The following HDAC4 variants were observed in gnomAD, a reference collection of about 807,000 sequenced individuals.
HDAC4 encodes histone deacetylase 4.
A neutral mutation model predicts 135.1 loss-of-function variants in HDAC4; 16 were observed. That is an observed-to-expected ratio of 0.12 (90% CI 0.08 to 0.18). The LOEUF (loss-of-function observed/expected upper bound fraction) is 0.18, where lower values mean the gene tolerates loss of function less well. HDAC4 is among the 10% of genes least tolerant of loss of function. The probability of loss-of-function intolerance (pLI) is 1.00; values close to 1 mark genes in which losing one functional copy is unlikely to be tolerated. For synonymous variants in HDAC4, 685 were observed against 653.4 expected (o/e 1.05, Z -0.74); for missense variants, 1,143 against 1,511.8 (o/e 0.76, Z 4.05).
At position 239,352,714 on chromosome 2, in the gene HDAC4, A is replaced by C. The variant is rs772537359; in HGVS notation, c.-15T>G. On this transcript the variant is annotated 5_prime_UTR_variant, in exon 2 of 27. Transcript: ENST00000543185. The surrounding 1 kb of genome is among the most constrained non-coding windows in gnomAD (Gnocchi z 4.4). ...TGGGAGCTCATTGCTAGCAATGTCC[A>C]CTCCTTTAAGTGATTCGAAATGGCT... The C allele has an allele frequency of 6.4e-7, 1 of 1,556,028 alleles. No homozygotes were observed. The highest frequency in any genetic ancestry group is 1.2e-5 in the South Asian group (1 of 84,348).
chr2:239,383,075 C>T (rs755971655), intron 1 of HDAC4, among the ~76,000 whole-genome samples: 1 of 152,180 alleles, frequency 6.6e-6, no homozygotes, highest in Non-Finnish European at 1.5e-5. Flanking sequence ...TAACTGCCCA[C>T]GTTACAGGCA....
intron 16 of HDAC4, among the ~76,000 whole-genome samples, chr2:239,095,997 G>C (rs889241586): frequency 5.3e-5 from 8 of 152,120 alleles, no homozygotes; most frequent in African/African-American, 1.9e-4. Flanking sequence ...CCCACTTTCT[G>C]GCCTCAGCTG....
At chr2:239,365,082 T>C (rs1429046501) in intron 1 of HDAC4, among the ~76,000 whole-genome samples, 1 of 152,258 alleles carries the variant, frequency 6.6e-6, no homozygotes, top group Non-Finnish European at 1.5e-5. Flanking sequence ...TAATTAAAAT[T>C]GAAATAAATT....
chr2:239,052,268 AG>A lies in HDAC4; in HGVS notation c.*828del, dbSNP rs1257794279. 7 of 152,442 alleles carry A rather than the reference AG, an allele frequency of 4.6e-5. No individual in the cohort carries two copies. Among genetic ancestry groups the A allele is most frequent in the African/African-American group, 1.7e-4 (7 of 41,570 alleles). The allele number at this position is 152,442 out of a possible 1,614,324, so 9.4% of individuals were successfully genotyped here. ...AGATGACGGCTGGTGCCCGTGCTTGAGGCGTCAGGCCAGCTCGCGGTGCCAG... is the reference window on the plus strand; with the variant it reads ...AGATGACGGCTGGTGCCCGTGCTTGAGCGTCAGGCCAGCTCGCGGTGCCAG... On this transcript the variant is annotated 3_prime_UTR_variant, in exon 27 of 27. Coordinates refer to ENST00000543185, the MANE Select transcript of HDAC4 (RefSeq NM_001378414.1).
chr2:239,342,238 A>C (rs1692341853), intron 2 of HDAC4, among the ~76,000 whole-genome samples: 1 of 152,100 alleles, frequency 6.6e-6, no homozygotes, highest in Non-Finnish European at 1.5e-5. Flanking sequence ...AAAAAAAAAA[A>C]CTGGCTCCAA....
intron 3 of HDAC4, among the ~76,000 whole-genome samples, chr2:239,223,447 G>A (rs546575419): frequency 2.0e-5 from 3 of 152,304 alleles, no homozygotes; most frequent in Non-Finnish European, 2.9e-5. Flanking sequence ...CAGCAGGCAG[G>A]TGGAAATGCA....
At chr2:239,113,152 A>C (rs763840614) in intron 13 of HDAC4, among the ~76,000 whole-genome samples, 13 of 152,382 alleles carry the variant, frequency 8.5e-5, no homozygotes, top group Admixed American at 2.0e-4. Context: ...TGGGAGGCTG[A>C]GGCAGAATAA....
At chr2:239,360,962 A>G (rs1202896315) in intron 1 of HDAC4, among the ~76,000 whole-genome samples, 1 of 152,108 alleles carries the variant, frequency 6.6e-6, no homozygotes, top group Admixed American at 6.6e-5. Context: ...AAGGACAGGA[A>G]AGGCACCTCT....
rs973838267 is a variant in HDAC4 at position 239,400,126 on chromosome 2, C to A, written c.-220+852G>T. Among the ~76,000 whole-genome samples, 5 of 151,990 alleles carry A rather than the reference C, an allele frequency of 3.3e-5. No homozygotes were observed. Among genetic ancestry groups the A allele is most frequent in the Non-Finnish European group, 7.4e-5 (5 of 67,944 alleles). ...ACGCCGGCAAACGCGGATCCCACCCCCGAGCGGGACCGGGCCCCGTCTCGG... is the reference window on the plus strand; with the variant it reads ...ACGCCGGCAAACGCGGATCCCACCCACGAGCGGGACCGGGCCCCGTCTCGG... On this transcript the variant is annotated intron_variant, in intron 1 of 26. Transcript: ENST00000543185. The surrounding 1 kb of genome is among the most constrained non-coding windows in gnomAD (Gnocchi z 4.7).
At chr2:239,346,723 C>T (rs1054700666) in intron 2 of HDAC4, among the ~76,000 whole-genome samples, 1 of 151,062 alleles carries the variant, frequency 6.6e-6, no homozygotes, top group South Asian at 2.1e-4. Flanking sequence ...TACCCTAACA[C>T]ACACGCTCTA....
chr2:239,383,675 G>A (rs760702236), intron 1 of HDAC4, among the ~76,000 whole-genome samples: 4 of 151,936 alleles, frequency 2.6e-5, no homozygotes, highest in African/African-American at 9.7e-5. Flanking sequence ...GCGCGGCAAC[G>A]ACACCGCCTC....
intron 7 of HDAC4, among the ~76,000 whole-genome samples, chr2:239,155,181 G>A (rs2042345722): frequency 6.7e-6 from 1 of 150,064 alleles, no homozygotes; most frequent in African/African-American, 2.5e-5. Context: ...GGACATGGCT[G>A]ACCCAATACG....
At chr2:239,399,059 T>C (rs1453180800) in intron 1 of HDAC4, among the ~76,000 whole-genome samples, 1 of 152,172 alleles carries the variant, frequency 6.6e-6, no homozygotes, top group Non-Finnish European at 1.5e-5. Context: ...AATACTTCCC[T>C]CCCACACAAA....
chr2:239,216,593 T>G (rs2046653019), intron 3 of HDAC4, among the ~76,000 whole-genome samples: 1 of 152,258 alleles, frequency 6.6e-6, no homozygotes, highest in Non-Finnish European at 1.5e-5. Context: ...ATTTATGGTA[T>G]GAACATCTGA....
chr2:239,208,752 T>C (rs2046205336), intron 3 of HDAC4, among the ~76,000 whole-genome samples: 1 of 150,558 alleles, frequency 6.6e-6, no homozygotes, highest in Non-Finnish European at 1.5e-5. Flanking sequence ...AGAAATCCAA[T>C]TCCACTTCAA....
At chr2:239,189,704 G>T in intron 4 of HDAC4, 129 bp downstream of exon 4, 1 of 847,348 alleles carries the variant, frequency 1.2e-6, no homozygotes, top group Non-Finnish European at 1.9e-6. Flanking sequence ...TCCCAACGCA[G>T]AAGGCCTCCT....
At position 239,236,469 on chromosome 2, in the gene HDAC4, T is replaced by G. The variant is rs970099687; in HGVS notation, c.94+124A>C. ...CACCAGGAAGAGCACCCAAATTCAG[T>G]GAACCTGATACCCCACACCTCCCCC... On this transcript the variant is annotated intron_variant, in intron 3 of 26. Coordinates refer to ENST00000543185, the MANE Select transcript of HDAC4 (RefSeq NM_001378414.1). 2.0e-5 allele frequency: 15 copies of G among 750,574 alleles called. No homozygotes were observed. In the South Asian group the frequency reaches 2.1e-4, roughly 10 times the overall value. 46.5% of individuals were successfully genotyped at this position (750,574 alleles called of 1,614,324 possible).
chr2:239,272,302 G>GA (rs1025698550), intron 2 of HDAC4, among the ~76,000 whole-genome samples: 28 of 152,096 alleles, frequency 1.8e-4, no homozygotes, highest in Non-Finnish European at 3.7e-4. Flanking sequence ...GGCAGCAAAA[G>GA]AAAAAAATAG....
chr2:239,156,809 C>T (rs2042451867), intron 6 of HDAC4, 36 bp from the exon 7 acceptor site: 4 of 1,613,670 alleles, frequency 2.5e-6, no homozygotes, highest in African/African-American at 1.3e-5. Flanking sequence ...TTTAGTTTAC[C>T]CAGCGCACTG....
Sources: gnomAD v4.1 joint callset for allele counts (sites outside exome capture counted in the v4.1 genomes callset) on GRCh38, gnomAD v4.1.1 for gene constraint, Gnocchi (gnomAD v3.1) non-coding constraint, MANE v1.5 for transcripts, NCBI Gene and HGNC (gene_info 2026-07-23, HGNC 2026-07-21) for gene names.